Variants in CSNK2A2IP observed in about 807,000 individuals in gnomAD.
CSNK2A2IP encodes casein kinase II subunit alpha'-interacting protein.
chr3:88,411,902 A>G, the CSNK2A2IP span, among the ~76,000 whole-genome samples: 1 of 151,574 alleles, frequency 6.6e-6, no homozygotes, highest in Admixed American at 6.6e-5. Context: ...TAAAAATGTC[A>G]TTAAAATCAA....
the CSNK2A2IP span, among the ~76,000 whole-genome samples, chr3:88,411,523 C>A: frequency 1.3e-3 from 204 of 151,876 alleles, 2 homozygotes; most frequent in Non-Finnish European, 2.3e-3. Context: ...TAAAGATTCT[C>A]ACCTAATTGA....
At chr3:88,346,695 G>A in the CSNK2A2IP span, among the ~76,000 whole-genome samples, 1 of 151,884 alleles carries the variant, frequency 6.6e-6, no homozygotes, top group Non-Finnish European at 1.5e-5. Flanking sequence ...TTTTCAAAAC[G>A]TTTGAAAATA....
the CSNK2A2IP span, among the ~76,000 whole-genome samples, chr3:88,398,218 GAAGAT>G: frequency 3.0e-4 from 46 of 152,198 alleles, 1 homozygote; most frequent in South Asian, 8.3e-3. Flanking sequence ...AATGTCTATG[GAAGAT>G]GAATGGCCCA....
chr3:88,445,563 A>T, the CSNK2A2IP span, among the ~76,000 whole-genome samples: 2 of 151,996 alleles, frequency 1.3e-5, no homozygotes, highest in Non-Finnish European at 2.9e-5. Context: ...TCTTATTATT[A>T]TTTTTTTCTT....
the CSNK2A2IP span, chr3:88,465,948 C>T: frequency 6.4e-4 from 784 of 1,231,620 alleles, 1 homozygote; most frequent in Middle Eastern, 3.1e-3. Context: ...CCATAAACAT[C>T]ATTTGGACAT....
chr3:88,358,449 G>C, the CSNK2A2IP span, among the ~76,000 whole-genome samples: 1 of 152,070 alleles, frequency 6.6e-6, no homozygotes, highest in Admixed American at 6.6e-5. Context: ...TGGACATTCA[G>C]TGTGATAGAT....
At chr3:88,361,490 G>T in the CSNK2A2IP span, among the ~76,000 whole-genome samples, 1 of 152,038 alleles carries the variant, frequency 6.6e-6, no homozygotes, top group Non-Finnish European at 1.5e-5. Context: ...CTAAACATAG[G>T]ATTGAAACCA....
the CSNK2A2IP span, among the ~76,000 whole-genome samples, chr3:88,394,194 T>A: frequency 6.6e-6 from 1 of 152,206 alleles, no homozygotes. Flanking sequence ...TATAATGATA[T>A]GTGTATGTTC....
chr3:88,445,433 ACT>A, the CSNK2A2IP span, among the ~76,000 whole-genome samples: 2 of 151,838 alleles, frequency 1.3e-5, no homozygotes, highest in South Asian at 2.1e-4. Flanking sequence ...ACAAAACGAA[ACT>A]CTGTATCAAA....
the CSNK2A2IP span, among the ~76,000 whole-genome samples, chr3:88,351,106 A>T: frequency 6.6e-6 from 1 of 152,194 alleles, no homozygotes; most frequent in African/African-American, 2.4e-5. Context: ...AAATTGAGTT[A>T]ATTCTCTAAT....
At chr3:88,453,556 G>A in the CSNK2A2IP span, among the ~76,000 whole-genome samples, 17 of 151,970 alleles carry the variant, frequency 1.1e-4, no homozygotes, top group Non-Finnish European at 1.3e-4. Context: ...TTCCCTGAAG[G>A]ACTATATCTT....
At chr3:88,352,741 G>A in the CSNK2A2IP span, among the ~76,000 whole-genome samples, 2 of 151,902 alleles carry the variant, frequency 1.3e-5, no homozygotes, top group South Asian at 2.1e-4. Context: ...ATCACACCCC[G>A]CTTAATTATT....
chr3:88,466,939 A>G, the CSNK2A2IP span: 89 of 1,231,406 alleles, frequency 7.2e-5, no homozygotes, highest in Non-Finnish European at 8.5e-5. Context: ...TCTACCAGAG[A>G]CTTTCTCATC....
At chr3:88,452,178 AT>A in the CSNK2A2IP span, among the ~76,000 whole-genome samples, 1,057 of 146,270 alleles carry the variant, frequency 7.2e-3, 14 homozygotes, top group African/African-American at 0.021. Flanking sequence ...CTCGGTTTAG[AT>A]TTTTTTTTTT....
the CSNK2A2IP span, among the ~76,000 whole-genome samples, chr3:88,356,435 C>A: frequency 6.6e-6 from 1 of 152,060 alleles, no homozygotes; most frequent in African/African-American, 2.4e-5. Flanking sequence ...GTATTTCATT[C>A]TTTTTATGGC....
At chr3:88,426,837 T>A in the CSNK2A2IP span, among the ~76,000 whole-genome samples, 1 of 151,014 alleles carries the variant, frequency 6.6e-6, no homozygotes, top group Middle Eastern at 3.4e-3. Context: ...CAGGTATTGC[T>A]TTATTAGCAG....
chr3:88,414,270 G>GT, the CSNK2A2IP span, among the ~76,000 whole-genome samples: 1,516 of 64,096 alleles, frequency 0.024, 275 homozygotes, highest in African/African-American at 0.033. Flanking sequence ...TACCAACAAA[G>GT]TTTTTTTTTT....
chr3:88,447,228 A>AATTTAGCTG, the CSNK2A2IP span, among the ~76,000 whole-genome samples: 4 of 152,118 alleles, frequency 2.6e-5, no homozygotes, highest in East Asian at 7.7e-4. Flanking sequence ...AAATGGCCAA[A>AATTTAGCTG]ATTTAGCTGA....
chr3:88,357,388 T>C, the CSNK2A2IP span, among the ~76,000 whole-genome samples: 67,014 of 151,984 alleles, frequency 0.44, 15,966 homozygotes, highest in South Asian at 0.62. Flanking sequence ...ACTTTAAATG[T>C]ATTATTTTAT....
Sources: allele counts gnomAD v4.1 joint callset (sites outside exome capture counted in the v4.1 genomes callset), GRCh38; gene constraint gnomAD v4.1.1; transcripts MANE v1.5; gene names NCBI Gene and HGNC (gene_info 2026-07-23, HGNC 2026-07-21).